TSPAN4: variants seen among roughly 807,000 people sequenced by gnomAD.
The protein encoded by TSPAN4 is tetraspanin-4.
TSPAN4 carries 38 observed loss-of-function variants against 31.5 expected under a neutral mutation model. The observed-to-expected ratio is 1.21, with a 90% confidence interval of 0.93 to 1.58. TSPAN4 has a LOEUF of 1.58. Ranked by LOEUF, TSPAN4 falls within the 40% of genes most tolerant of loss-of-function variation. TSPAN4 has a pLI of 0.00. For synonymous variants in TSPAN4, 186 were observed against 144.6 expected (o/e 1.29, Z -2.06); for missense variants, 330 against 317.3 (o/e 1.04, Z -0.30).
chr11:864,407 G>A, intron 4 of TSPAN4, 30 bp from the exon 5 acceptor site: 1 of 1,610,106 alleles, frequency 6.2e-7, no homozygotes. Context: ...CGGCCTTTCG[G>A]GTCCCTGTCT....
At chr11:861,201 T>G (rs1019896854) in intron 3 of TSPAN4, among the ~76,000 whole-genome samples, 13 of 152,152 alleles carry the variant, frequency 8.5e-5, no homozygotes, top group African/African-American at 3.1e-4. Context: ...GAACAAGCAC[T>G]TAGGAAACAC....
rs147377761 is a variant in TSPAN4 at position 850,186 on chromosome 11, A to C, written c.-17-102A>C. On this transcript the variant is annotated intron_variant, in intron 2 of 8. Coordinates refer to ENST00000397397, the MANE Select transcript of TSPAN4 (RefSeq NM_003271.5). ...GCCGGGGGCTCCTTCTTCGGCCTGC[A>C]CGCGAACCCCGGCCCCAAGGCGGCC... The C allele has an allele frequency of 1.4e-3, 1,401 of 977,030 alleles. 9 individuals carry two copies. Among genetic ancestry groups the C allele is most frequent in the Non-Finnish European group, 1.9e-3 (1,261 of 670,752 alleles). The allele number at this position is 977,030 out of a possible 1,614,324, so 60.5% of individuals were successfully genotyped here. A position where few individuals can be genotyped will look rare whatever the true frequency, so the allele number is the denominator to read the frequency against.
chr11:852,019 C>T (rs1321319598), intron 3 of TSPAN4, among the ~76,000 whole-genome samples: 2 of 152,156 alleles, frequency 1.3e-5, no homozygotes, highest in Non-Finnish European at 2.9e-5. Context: ...CCAGAGAAGC[C>T]TCCATTCCTA....
chr11:864,243 CCA>C, intron 4 of TSPAN4, 192 bp from the exon 5 acceptor site: 1 of 661,210 alleles, frequency 1.5e-6, no homozygotes, highest in Non-Finnish European at 2.6e-6. Flanking sequence ...GACACAACAG[CCA>C]CAGTCCCTGG....
At chr11:864,538 A>C (rs370185425) in intron 5 of TSPAN4, 27 bp downstream of exon 5, 2 of 1,610,098 alleles carry the variant, frequency 1.2e-6, no homozygotes, top group Non-Finnish European at 8.5e-7. Context: ...CGCAGGCCCA[A>C]CTGCAGGGCT....
chr11:855,697 A>G (rs1210292079), intron 3 of TSPAN4, among the ~76,000 whole-genome samples: 1 of 152,168 alleles, frequency 6.6e-6, no homozygotes. Flanking sequence ...CCACAGCTTT[A>G]AGGAAACAAA....
At chr11:857,934 C>T (rs1206868128) in intron 3 of TSPAN4, 1 of 152,276 alleles carries the variant, frequency 6.6e-6, no homozygotes, top group Non-Finnish European at 1.5e-5. Context: ...GGGCCATATC[C>T]CTTCTCTGCC....
intron 2 of TSPAN4, 43 bp from the exon 3 acceptor site, chr11:850,245 T>TA: frequency 6.6e-7 from 1 of 1,508,032 alleles, no homozygotes; most frequent in Non-Finnish European, 9.1e-7. Context: ...GGGCAACAAG[T>TA]ACGTGGTTTT....
intron 3 of TSPAN4, among the ~76,000 whole-genome samples, chr11:855,674 C>T (rs1294293535): frequency 1.3e-5 from 2 of 152,162 alleles, no homozygotes; most frequent in African/African-American, 2.4e-5. Flanking sequence ...GGAAACAGGA[C>T]GTCGCTCAGG....
At chr11:863,850 G>GGCTCCATCC in intron 4 of TSPAN4, 3 of 157,718 alleles carry the variant, frequency 1.9e-5, no homozygotes, top group Non-Finnish European at 4.2e-5. Context: ...CAGGGCTGGG[G>GGCTCCATCC]TCAGGCTGAG....
rs571587436 is a variant in TSPAN4 at position 864,376 on chromosome 11, T to C, written c.256-61T>C. ...AGGTACGTGGCCCTGGCCCCTGGCATGCTGTGGGGCGGAGGCTGTGCGGCC... is the reference window on the plus strand; with the variant it reads ...AGGTACGTGGCCCTGGCCCCTGGCACGCTGTGGGGCGGAGGCTGTGCGGCC... On this transcript the variant is annotated intron_variant, in intron 4 of 8. Coordinates refer to ENST00000397397, the MANE Select transcript of TSPAN4 (RefSeq NM_003271.5). The C allele has an allele frequency of 7.6e-5, 120 of 1,588,022 alleles. 1 individual carries two copies. In the Admixed American group the frequency reaches 1.1e-3, roughly 14 times the overall value.
intron 3 of TSPAN4, among the ~76,000 whole-genome samples, chr11:852,636 C>T (rs1200210213): frequency 3.3e-5 from 5 of 152,168 alleles, no homozygotes; most frequent in Non-Finnish European, 7.4e-5. Context: ...TGAGCTAAGC[C>T]CTCTCCTCCT....
chr11:850,166 G>A (rs1002169966), intron 2 of TSPAN4, 122 bp from the exon 3 acceptor site: 1 of 736,800 alleles, frequency 1.4e-6, no homozygotes, highest in Non-Finnish European at 2.1e-6. Context: ...GGGACGCCGG[G>A]GGCTCCTTCT....
Position 850,409 on chromosome 11 carries a change from G to A in TSPAN4, c.63+42G>A, listed in dbSNP as rs183091317. On this transcript the variant is annotated intron_variant, in intron 3 of 8. Transcript: ENST00000397397. ...GGGTGGGGGCCCGGGAAAGACCCGG[G>A]GTCCCTCCCGCGGCGGGTCGCGGGG... The A allele has an allele frequency of 2.1e-4, 327 of 1,560,894 alleles. No individual in the cohort carries two copies. The African/African-American group carries it at 4.1e-3, about 20-fold the overall frequency.
intron 5 of TSPAN4, 126 bp from the exon 6 acceptor site, chr11:865,386 GC>G: frequency 1.4e-6 from 1 of 707,674 alleles, no homozygotes; most frequent in Non-Finnish European, 2.4e-6. Context: ...AGCTTGGTGG[GC>G]TAGGAGGCGC....
At chr11:859,138 G>T (rs1357811001) in intron 3 of TSPAN4, among the ~76,000 whole-genome samples, 2 of 81,214 alleles carry the variant, frequency 2.5e-5, no homozygotes, top group Non-Finnish European at 4.9e-5. Flanking sequence ...ACGCACCCCT[G>T]GGCTCACATG....
intron 2 of TSPAN4, among the ~76,000 whole-genome samples, chr11:849,117 T>G (rs1368334490): frequency 6.6e-6 from 1 of 151,562 alleles, no homozygotes; most frequent in Non-Finnish European, 1.5e-5. Flanking sequence ...CCGGCCCCGC[T>G]CCCGCATTGG....
chr11:853,863 G>A (rs1433993263), intron 3 of TSPAN4, among the ~76,000 whole-genome samples: 1 of 152,230 alleles, frequency 6.6e-6, no homozygotes, highest in Non-Finnish European at 1.5e-5. Flanking sequence ...TGGGGCCGGG[G>A]TGTCTCCTGG....
intron 4 of TSPAN4, 123 bp from the exon 5 acceptor site, chr11:864,314 C>T: frequency 8.2e-7 from 1 of 1,224,422 alleles, no homozygotes; most frequent in South Asian, 1.3e-5. Flanking sequence ...GGAGTGGGGG[C>T]CTGGCAGAGG....
Sources: allele counts gnomAD v4.1 joint callset (sites outside exome capture counted in the v4.1 genomes callset), GRCh38; gene constraint gnomAD v4.1.1; transcripts MANE v1.5; gene names NCBI Gene and HGNC (gene_info 2026-07-23, HGNC 2026-07-21).